CNTNAP2: variants seen among roughly 807,000 people sequenced by gnomAD.
CNTNAP2 encodes the protein contactin associated protein 2.
A neutral mutation model predicts 155.2 loss-of-function variants in CNTNAP2; 98 were observed. The observed-to-expected ratio is 0.63, with a 90% CI of 0.54 to 0.75. CNTNAP2 has a LOEUF of 0.75. Among genes scored for constraint, CNTNAP2 ranks in the 30% least tolerant of loss-of-function variants. CNTNAP2 has a pLI of 0.00. For synonymous variants in CNTNAP2, 651 were observed against 631.2 expected (o/e 1.03, Z -0.47); for missense variants, 1,727 against 1,688.1 (o/e 1.02, Z -0.40).
intron 21 of CNTNAP2, among the ~76,000 whole-genome samples, chr7:148,364,431 A>G (rs1169331051): frequency 6.6e-6 from 1 of 152,182 alleles, no homozygotes; most frequent in African/African-American, 2.4e-5. Flanking sequence ...CTCTGTATCT[A>G]GCTGCTCTGG....
rs555498309 is a variant in CNTNAP2 at position 146,265,415 on chromosome 7, T to C, written c.97+148442T>C. The stretch of plus-strand genomic sequence containing the variant: ...GAGGCATGTTTCTAAACTTTTAAAA[T>C]AGGTCTTCATTTGAGTAGATTTTCT... On this transcript the variant is annotated intron_variant, in intron 1 of 23. Transcript: ENST00000361727. 5.3e-5 allele frequency among the ~76,000 whole-genome samples: 8 copies of C among 152,078 alleles called. No homozygotes were observed. In the East Asian group the frequency reaches 1.4e-3, roughly 26 times the overall value.
At chr7:146,275,371 C>T (rs906366632) in intron 1 of CNTNAP2, among the ~76,000 whole-genome samples, 12 of 151,844 alleles carry the variant, frequency 7.9e-5, no homozygotes, top group Admixed American at 2.0e-4. Context: ...CTTCTGACTC[C>T]GAATAAGTTT....
At chr7:147,050,545 G>A (rs1417338536) in intron 4 of CNTNAP2, among the ~76,000 whole-genome samples, 1 of 152,114 alleles carries the variant, frequency 6.6e-6, no homozygotes, top group African/African-American at 2.4e-5. Flanking sequence ...AACATATCAG[G>A]AGAAGTTAAA....
chr7:146,653,540 T>C (rs1799949842), intron 1 of CNTNAP2, among the ~76,000 whole-genome samples: 1 of 152,192 alleles, frequency 6.6e-6, no homozygotes. Context: ...AAAAGTACAC[T>C]AAATCCCAAA....
At chr7:146,360,431 C>A (rs1225528928) in intron 1 of CNTNAP2, among the ~76,000 whole-genome samples, 1 of 152,034 alleles carries the variant, frequency 6.6e-6, no homozygotes, top group Non-Finnish European at 1.5e-5. Flanking sequence ...AAGATATAAA[C>A]CCTTGTTTAA....
intron 1 of CNTNAP2, among the ~76,000 whole-genome samples, chr7:146,470,604 T>A (rs1176886439): frequency 6.6e-6 from 1 of 152,150 alleles, no homozygotes; most frequent in African/African-American, 2.4e-5. Context: ...GGAATCTCGC[T>A]CTGTCACCAG....
intron 1 of CNTNAP2, among the ~76,000 whole-genome samples, chr7:146,142,708 C>G (rs1380946030): frequency 6.6e-6 from 1 of 152,156 alleles, no homozygotes; most frequent in South Asian, 2.1e-4. Context: ...ATTGGGTTCT[C>G]TTCTAATTCT....
At chr7:147,612,481 ACC>A (rs1325618905) in intron 12 of CNTNAP2, among the ~76,000 whole-genome samples, 1 of 150,428 alleles carries the variant, frequency 6.6e-6, no homozygotes, top group Non-Finnish European at 1.5e-5. Context: ...GCTCACCACA[ACC>A]TCTGCCTCCC....
chr7:148,102,774 G>C (rs1355370234), intron 15 of CNTNAP2, among the ~76,000 whole-genome samples: 1 of 152,090 alleles, frequency 6.6e-6, no homozygotes, highest in Non-Finnish European at 1.5e-5. Flanking sequence ...TATAGCTTTG[G>C]GGCCTGTAGT....
At chr7:147,715,869 TG>T (rs1235761835) in intron 13 of CNTNAP2, among the ~76,000 whole-genome samples, 4 of 152,226 alleles carry the variant, frequency 2.6e-5, no homozygotes, top group African/African-American at 9.6e-5. Context: ...AGTTGATTTT[TG>T]TATAAGGTGC....
chr7:148,104,002 G>A (rs914158318), intron 15 of CNTNAP2, among the ~76,000 whole-genome samples: 4 of 152,090 alleles, frequency 2.6e-5, no homozygotes, highest in Admixed American at 2.0e-4. Context: ...AAATGCTTCT[G>A]TATGATGTTA....
chr7:148,209,177 G>A (rs1302579386), intron 18 of CNTNAP2, among the ~76,000 whole-genome samples: 1 of 152,100 alleles, frequency 6.6e-6, no homozygotes, highest in Non-Finnish European at 1.5e-5. Context: ...CCCAGCTGGA[G>A]TGCAATGGTG....
At chr7:147,643,824 T>C (rs370894257) in intron 13 of CNTNAP2, among the ~76,000 whole-genome samples, 20 of 152,200 alleles carry the variant, frequency 1.3e-4, no homozygotes, top group African/African-American at 4.8e-4. Flanking sequence ...AGAGTTGATA[T>C]TCATATGGAC....
At chr7:147,916,376 G>C (rs887393695) in intron 14 of CNTNAP2, among the ~76,000 whole-genome samples, 1 of 152,180 alleles carries the variant, frequency 6.6e-6, no homozygotes, top group Admixed American at 6.5e-5. Context: ...GATGTCAGCA[G>C]AGTGTCAATA....
At chr7:147,855,983 C>T (rs532236752) in intron 13 of CNTNAP2, among the ~76,000 whole-genome samples, 1 of 152,256 alleles carries the variant, frequency 6.6e-6, no homozygotes, top group African/African-American at 2.4e-5. Flanking sequence ...TCTAAACTCC[C>T]TGGGAGAACC....
intron 1 of CNTNAP2, among the ~76,000 whole-genome samples, chr7:146,241,727 C>CT (rs1177924758): frequency 3.9e-5 from 6 of 151,960 alleles, no homozygotes; most frequent in Non-Finnish European, 7.4e-5. Flanking sequence ...TGTAATAAGA[C>CT]TTGTAACATT....
intron 13 of CNTNAP2, among the ~76,000 whole-genome samples, chr7:147,738,638 A>G (rs2116481430): frequency 6.8e-6 from 1 of 147,210 alleles, no homozygotes. Context: ...ACACAGTATA[A>G]TGTAAACATA....
intron 11 of CNTNAP2, among the ~76,000 whole-genome samples, chr7:147,486,525 G>C (rs201472961): frequency 1.3e-5 from 2 of 152,018 alleles, no homozygotes; most frequent in African/African-American, 4.8e-5. Flanking sequence ...AAATGAGTCC[G>C]AAATGGAATA....
chr7:147,772,574 GT>G (rs1797492429), intron 13 of CNTNAP2, among the ~76,000 whole-genome samples: 1 of 148,384 alleles, frequency 6.7e-6, no homozygotes, highest in South Asian at 2.1e-4. Flanking sequence ...CACAGTTCCA[GT>G]ACGTGAATTG....
Sources: allele counts gnomAD v4.1 joint callset (sites outside exome capture counted in the v4.1 genomes callset), GRCh38; gene constraint gnomAD v4.1.1; transcripts MANE v1.5; gene names NCBI Gene and HGNC (gene_info 2026-07-23, HGNC 2026-07-21).